NLGN4X: variants seen among roughly 807,000 people sequenced by gnomAD.
The protein encoded by NLGN4X is neuroligin 4 X-linked.
Under a neutral mutation model 40.3 loss-of-function variants are expected in NLGN4X, and 3 were observed. The observed-to-expected ratio is 0.07, with a 90% CI of 0.03 to 0.19. The LOEUF (loss-of-function observed/expected upper bound fraction) is 0.19. NLGN4X is among the 10% of genes least tolerant of loss of function. The pLI is 1.00. For synonymous variants in NLGN4X, 270 were observed against 306.8 expected (o/e 0.88, Z 1.25); for missense variants, 382 against 708.3 (o/e 0.54, Z 5.23).
At chrX:5,993,126 G>A (rs1489596965) in intron 3 of NLGN4X, among the ~76,000 whole-genome samples, 1 of 110,919 alleles carries the variant, frequency 9.0e-6, no homozygotes, top group Non-Finnish European at 1.9e-5. Flanking sequence ...CATTATGAAT[G>A]GGATAATTCC....
intron 5 of NLGN4X, among the ~76,000 whole-genome samples, chrX:5,901,694 T>C (rs2031875790): frequency 9.1e-6 from 1 of 110,137 alleles, no homozygotes; most frequent in South Asian, 3.8e-4. Flanking sequence ...ATGCATGACA[T>C]ATAGCAATAT....
intron 2 of NLGN4X, among the ~76,000 whole-genome samples, chrX:6,085,410 A>C (rs2038471658): frequency 8.9e-6 from 1 of 111,867 alleles, no homozygotes; most frequent in Non-Finnish European, 1.9e-5. Context: ...AGGCAACCGA[A>C]TGAGGACTGT....
At chrX:5,949,208 G>A (rs1162654998) in intron 3 of NLGN4X, among the ~76,000 whole-genome samples, 1 of 112,015 alleles carries the variant, frequency 8.9e-6, no homozygotes, top group Non-Finnish European at 1.9e-5. Context: ...CAATTTGCAA[G>A]AGCATCTGCA....
intron 1 of NLGN4X, among the ~76,000 whole-genome samples, chrX:6,194,214 G>A (rs1354262966): frequency 8.9e-6 from 1 of 111,746 alleles, no homozygotes; most frequent in African/African-American, 3.3e-5. Flanking sequence ...TGGTGCAAGC[G>A]TAATTGCAGT....
chrX:6,201,775 T>A (rs1306006724), intron 1 of NLGN4X, among the ~76,000 whole-genome samples: 1 of 110,685 alleles, frequency 9.0e-6, no homozygotes, highest in Non-Finnish European at 1.9e-5. Context: ...AACACTGAAT[T>A]GAGTTTTGGC....
intron 2 of NLGN4X, among the ~76,000 whole-genome samples, chrX:6,082,954 T>TTTTTG (rs2038395819): frequency 4.7e-5 from 3 of 63,627 alleles, no homozygotes; most frequent in Non-Finnish European, 9.2e-5. Flanking sequence ...ATGCGTTTTT[T>TTTTTG]TCTTTTTTTT....
intron 2 of NLGN4X, among the ~76,000 whole-genome samples, chrX:6,125,589 A>T (rs1019933738): frequency 3.9e-4 from 44 of 111,446 alleles, no homozygotes; most frequent in African/African-American, 1.4e-3. Flanking sequence ...TAAAAAAAGA[A>T]ATTGAAATAT....
intron 2 of NLGN4X, among the ~76,000 whole-genome samples, chrX:6,029,661 G>A (rs757583038): frequency 4.9e-5 from 5 of 102,116 alleles, no homozygotes; most frequent in South Asian, 5.4e-4. Flanking sequence ...GACATTTAGC[G>A]TACTCTGCTC....
chrX:6,201,872 C>A (rs1450463092), intron 1 of NLGN4X, among the ~76,000 whole-genome samples: 1 of 110,728 alleles, frequency 9.0e-6, no homozygotes, highest in Admixed American at 9.7e-5. Context: ...GATAGAGACC[C>A]CTGTGGTCTC....
chrX:6,011,391 A>G (rs2147158477), intron 3 of NLGN4X, among the ~76,000 whole-genome samples: 1 of 109,150 alleles, frequency 9.2e-6, no homozygotes, highest in Admixed American at 9.9e-5. Flanking sequence ...ATATATATGT[A>G]TACACACATA....
Position 5,905,278 on chromosome X carries a change from T to TAC in NLGN4X, c.812-1413_812-1412insGT, listed in dbSNP as rs1169065786. Among the ~76,000 whole-genome samples, 30 of 111,522 alleles carry TAC rather than the reference T, an allele frequency of 2.7e-4. 1 individual carries two copies. The highest frequency in any genetic ancestry group is 2.6e-3 in the Admixed American group (27 of 10,461). Reference sequence around the variant, plus strand: ...GTTAGGGAAGTAACAGAACTCCTGATAAGACTAAAATAGTTGGATAATGAA... The same window carrying TAC: ...GTTAGGGAAGTAACAGAACTCCTGATACAAGACTAAAATAGTTGGATAATGAA... On this transcript the variant is annotated intron_variant, in intron 4 of 5. Coordinates refer to ENST00000381095, the MANE Select transcript of NLGN4X (RefSeq NM_181332.3).
At chrX:6,153,774 G>C (rs959958277) in intron 1 of NLGN4X, among the ~76,000 whole-genome samples, 1 of 111,906 alleles carries the variant, frequency 8.9e-6, no homozygotes, top group Admixed American at 9.5e-5. Flanking sequence ...GAGACTATGA[G>C]TCACTTATTG....
At chrX:5,947,663 A>C (rs2034173073) in intron 3 of NLGN4X, among the ~76,000 whole-genome samples, 1 of 111,995 alleles carries the variant, frequency 8.9e-6, no homozygotes, top group East Asian at 2.8e-4. Context: ...GTAACAGAGG[A>C]TCTGTGCCTT....
At chrX:6,021,727 TTG>T (rs1378485901) in intron 3 of NLGN4X, among the ~76,000 whole-genome samples, 2 of 107,278 alleles carry the variant, frequency 1.9e-5, no homozygotes, top group East Asian at 5.7e-4. Context: ...AGACATTGTG[TTG>T]TGTTTTTTTG....
intron 3 of NLGN4X, among the ~76,000 whole-genome samples, chrX:5,966,246 C>CA (rs1375820803): frequency 1.8e-5 from 2 of 112,292 alleles, no homozygotes; most frequent in African/African-American, 6.5e-5. Flanking sequence ...TATCCTCTCA[C>CA]AAAATAGTAC....
chrX:6,138,616 G>A (rs182096107), intron 2 of NLGN4X, among the ~76,000 whole-genome samples: 219 of 111,769 alleles, frequency 2.0e-3, no homozygotes, highest in Non-Finnish European at 3.2e-3. Context: ...TCTTCAAAGG[G>A]TTTACCATCT....
At chrX:6,111,737 C>T (rs1025348715) in intron 2 of NLGN4X, among the ~76,000 whole-genome samples, 1 of 110,819 alleles carries the variant, frequency 9.0e-6, no homozygotes, top group African/African-American at 3.3e-5. Context: ...CAGAAAGAGA[C>T]CCTGTCTTAA....
At chrX:5,915,563 A>G (rs912513259) in intron 3 of NLGN4X, among the ~76,000 whole-genome samples, 3 of 111,972 alleles carry the variant, frequency 2.7e-5, no homozygotes, top group African/African-American at 9.7e-5. Context: ...TTTTTGAGAC[A>G]GACTCTCGCT....
intron 1 of NLGN4X, among the ~76,000 whole-genome samples, chrX:6,167,016 G>C (rs2040509728): frequency 9.8e-6 from 1 of 102,129 alleles, no homozygotes; most frequent in Non-Finnish European, 2.0e-5. Flanking sequence ...AGGTTGGTGT[G>C]AGCCATGATC....
Sources: gnomAD v4.1 joint callset for allele counts (sites outside exome capture counted in the v4.1 genomes callset) on GRCh38, gnomAD v4.1.1 for gene constraint, MANE v1.5 for transcripts, NCBI Gene and HGNC (gene_info 2026-07-23, HGNC 2026-07-21) for gene names.